The following PTPRD variants were observed in gnomAD, a reference collection of about 807,000 sequenced individuals.
PTPRD encodes the protein receptor-type tyrosine-protein phosphatase delta.
Under a neutral mutation model 214.5 loss-of-function variants are expected in PTPRD, and 34 were observed. The ratio of observed to expected loss-of-function variants is 0.16; its 90% CI spans 0.12 to 0.21. The LOEUF is 0.21. Ranked by LOEUF, PTPRD falls within the 10% of genes least tolerant of loss-of-function variation. The pLI is 1.00. For missense variants in PTPRD, 2,545 were observed against 2,398.7 expected (o/e 1.06, Z -1.27); for synonymous variants, 1,128 against 845.7 (o/e 1.33, Z -5.79).
At chr9:9,768,389 A>T (rs2154480246) in intron 5 of PTPRD, among the ~76,000 whole-genome samples, 1 of 152,328 alleles carries the variant, frequency 6.6e-6, no homozygotes, top group African/African-American at 2.4e-5. Flanking sequence ...TAATTTTGAT[A>T]TTTTAAATAT....
intron 5 of PTPRD, among the ~76,000 whole-genome samples, chr9:9,937,877 A>C (rs1054815004): frequency 1.3e-5 from 2 of 152,194 alleles, no homozygotes; most frequent in African/African-American, 4.8e-5. Context: ...CCAAAGTTTC[A>C]TATTAATGTT....
intron 7 of PTPRD, among the ~76,000 whole-genome samples, chr9:9,730,609 G>A (rs1048591405): frequency 6.6e-6 from 1 of 151,898 alleles, no homozygotes; most frequent in Non-Finnish European, 1.5e-5. Flanking sequence ...TCCAGATCAG[G>A]GTTACTACTC....
chr9:10,087,860 A>C lies in PTPRD; in HGVS notation c.-544-54070T>G, dbSNP rs536856971. Among the ~76,000 whole-genome samples, 166 of 151,856 alleles carry C rather than the reference A, an allele frequency of 1.1e-3. 1 individual carries two copies. The highest frequency in any genetic ancestry group is 3.5e-3 in the African/African-American group (144 of 41,508). On this transcript the variant is annotated intron_variant, in intron 3 of 45. Transcript: ENST00000381196. ...TATCTAAAAGTGTAAACTTGTCCTT[A>C]TGGAAAGTTTATATGATTCAATGTA...
At chr9:10,041,599 T>C (rs291275) in intron 3 of PTPRD, among the ~76,000 whole-genome samples, 10,159 of 151,860 alleles carry the variant, frequency 0.067, 1,133 homozygotes, top group African/African-American at 0.23. Flanking sequence ...GAGACTTTAC[T>C]AGATTCATTT....
intron 4 of PTPRD, among the ~76,000 whole-genome samples, chr9:9,948,260 C>G (rs1484801581): frequency 1.3e-5 from 2 of 152,062 alleles, no homozygotes; most frequent in Non-Finnish European, 2.9e-5. Flanking sequence ...CACTGCCATT[C>G]TCTATCAACA....
intron 7 of PTPRD, among the ~76,000 whole-genome samples, chr9:9,640,517 G>A (rs1484140390): frequency 2.6e-5 from 4 of 152,214 alleles, no homozygotes; most frequent in Non-Finnish European, 5.9e-5. Flanking sequence ...AGACAGGTTA[G>A]ATCAGGTTTT....
chr9:9,246,381 C>A (rs532275161), intron 9 of PTPRD, among the ~76,000 whole-genome samples: 12 of 152,128 alleles, frequency 7.9e-5, no homozygotes, highest in Admixed American at 3.9e-4. Context: ...GAAAAATCAC[C>A]AGATTAGCTT....
intron 4 of PTPRD, among the ~76,000 whole-genome samples, chr9:10,006,286 G>C (rs1017436444): frequency 6.6e-6 from 1 of 151,946 alleles, no homozygotes. Context: ...ACAAGCCTTT[G>C]ACAATGTGAC....
At chr9:9,986,649 A>G (rs2095719930) in intron 4 of PTPRD, among the ~76,000 whole-genome samples, 1 of 152,190 alleles carries the variant, frequency 6.6e-6, no homozygotes, top group African/African-American at 2.4e-5. Flanking sequence ...TACTTTTATA[A>G]TAAACAAAAG....
intron 10 of PTPRD, among the ~76,000 whole-genome samples, chr9:9,055,803 A>C (rs1435695905): frequency 2.0e-5 from 3 of 149,616 alleles, no homozygotes; most frequent in African/African-American, 4.9e-5. Flanking sequence ...TTTTATATTT[A>C]ACTAGATTAA....
At chr9:8,423,142 G>A (rs1211492755) in intron 35 of PTPRD, among the ~76,000 whole-genome samples, 1 of 152,112 alleles carries the variant, frequency 6.6e-6, no homozygotes, top group Non-Finnish European at 1.5e-5. Context: ...AATAACCAGA[G>A]AAACAGAATT....
chr9:9,382,742 G>C (rs1191246081), intron 9 of PTPRD, among the ~76,000 whole-genome samples: 2 of 152,022 alleles, frequency 1.3e-5, no homozygotes, highest in African/African-American at 4.8e-5. Flanking sequence ...AAAACATTAT[G>C]CAGTTTCCTT....
chr9:9,893,421 G>C (rs901409362), intron 5 of PTPRD, among the ~76,000 whole-genome samples: 1 of 151,962 alleles, frequency 6.6e-6, no homozygotes, highest in Admixed American at 6.6e-5. Context: ...TCAAAATAAT[G>C]AGATGGAGGA....
intron 5 of PTPRD, among the ~76,000 whole-genome samples, chr9:9,795,565 G>A (rs1000300716): frequency 1.3e-5 from 2 of 152,094 alleles, no homozygotes; most frequent in Non-Finnish European, 2.9e-5. Context: ...AAAAAGGGAC[G>A]TCAAAAGGGA....
At chr9:8,825,828 T>C (rs2097164177) in intron 11 of PTPRD, among the ~76,000 whole-genome samples, 5 of 152,042 alleles carry the variant, frequency 3.3e-5, no homozygotes. Flanking sequence ...TCCCATGGCA[T>C]TTGCAAACTG....
At chr9:8,661,265 C>T (rs1460286721) in intron 12 of PTPRD, among the ~76,000 whole-genome samples, 1 of 152,048 alleles carries the variant, frequency 6.6e-6, no homozygotes, top group African/African-American at 2.4e-5. Flanking sequence ...GAAATCGCCT[C>T]TTCATCATGG....
At chr9:8,899,749 G>A (rs180682965) in intron 11 of PTPRD, among the ~76,000 whole-genome samples, 3 of 152,268 alleles carry the variant, frequency 2.0e-5, no homozygotes, top group East Asian at 1.9e-4. Flanking sequence ...GCTAAATTTC[G>A]CCCAGATGCT....
At chr9:9,294,205 T>A (rs1952201465) in intron 9 of PTPRD, among the ~76,000 whole-genome samples, 1 of 151,678 alleles carries the variant, frequency 6.6e-6, no homozygotes, top group South Asian at 2.1e-4. Context: ...TATGAATTGT[T>A]TATTTCTGGA....
intron 6 of PTPRD, among the ~76,000 whole-genome samples, chr9:9,763,438 C>G (rs1331924766): frequency 6.7e-6 from 1 of 148,378 alleles, no homozygotes; most frequent in East Asian, 2.1e-4. Flanking sequence ...TATTATTTCA[C>G]AATTTGTCCT....
Sources: gnomAD v4.1 joint callset for allele counts (sites outside exome capture counted in the v4.1 genomes callset) on GRCh38, gnomAD v4.1.1 for gene constraint, MANE v1.5 for transcripts, NCBI Gene and HGNC (gene_info 2026-07-23, HGNC 2026-07-21) for gene names.